Variants in ARX observed in about 807,000 individuals in gnomAD.
ARX encodes aristaless related homeobox, also known as homeobox protein ARX.
A neutral mutation model predicts 23.1 loss-of-function variants in ARX; 1 was observed. That is an observed-to-expected ratio of 0.04 (90% CI 0.02 to 0.21). The LOEUF is 0.21. ARX is among the 10% of genes least tolerant of loss of function. ARX has a pLI of 1.00. For synonymous variants in ARX, 301 were observed against 270.1 expected (o/e 1.11, Z -1.12); for missense variants, 380 against 527.5 (o/e 0.72, Z 2.74).
chrX:25,008,104 G>T (rs761817280), intron 3 of ARX, among the ~76,000 whole-genome samples: 2 of 112,869 alleles, frequency 1.8e-5, no homozygotes, highest in African/African-American at 6.4e-5. Context: ...CACTATGCTG[G>T]GTTCTGGGGT....
Position 25,013,338 on chromosome X carries a change from A to G in ARX, c.657T>C (p.Gly219=), listed in dbSNP as rs755317735. ...CCTCGTCGTCCTCGGTGCCGGTGCC[A>G]CCACCCGCAGCCGGGGCGCTGCCCG... The part of the protein sequence containing the change: ...GGPGSAPAAG[G]GTGTEDDEEE... The change falls in exon 2 of 5, where the codon GGT becomes GGC. Residue 219 remains glycine, a synonymous_variant. Coordinates refer to ENST00000379044, the MANE Select transcript of ARX (RefSeq NM_139058.3). 5 of 1,148,321 alleles carry G rather than the reference A, an allele frequency of 4.4e-6. No homozygotes were observed. Among genetic ancestry groups the G allele is most frequent in the Middle Eastern group, 2.7e-4 (1 of 3,657 alleles). 94.6% of individuals were successfully genotyped at this position (1,148,321 alleles called of 1,213,427 possible). A position where few individuals can be genotyped will look rare whatever the true frequency, so the allele number is the denominator to read the frequency against.
At chrX:25,010,188 C>CCCCCCCCA in intron 3 of ARX, 72 bp downstream of exon 3, 1 of 1,061,251 alleles carries the variant, frequency 9.4e-7, no homozygotes, top group Non-Finnish European at 1.3e-6. Flanking sequence ...CCCCCCGCCA[C>CCCCCCCCA]CAACCCATCT....
Position 25,004,504 on chromosome X carries a change from G to A in ARX, c.*166C>T. On this transcript the variant is annotated 3_prime_UTR_variant, in exon 5 of 5. Coordinates refer to ENST00000379044, the MANE Select transcript of ARX (RefSeq NM_139058.3). Reference sequence around the variant, plus strand: ...AGCCGAGGAGGTGCCACGTCCCGGAGCGCCGAGGGCTGCCATGCCCGCATC... The same window carrying A: ...AGCCGAGGAGGTGCCACGTCCCGGAACGCCGAGGGCTGCCATGCCCGCATC... 1.1e-6 allele frequency: 1 copy of A among 922,143 alleles called. No individual in the cohort carries two copies. 76.0% of individuals were successfully genotyped at this position (922,143 alleles called of 1,213,427 possible). A position where few individuals can be genotyped will look rare whatever the true frequency, so the allele number is the denominator to read the frequency against.
At chrX:25,010,193 C>CCCAAA in intron 3 of ARX, 67 bp downstream of exon 3, 2 of 1,104,476 alleles carry the variant, frequency 1.8e-6, no homozygotes, top group Non-Finnish European at 2.5e-6. Flanking sequence ...CGCCACCAAC[C>CCCAAA]CATCTCTCTC....
chrX:25,014,247 T>C (rs1396107434), intron 1 of ARX, among the ~76,000 whole-genome samples: 2 of 111,494 alleles, frequency 1.8e-5, no homozygotes, highest in African/African-American at 6.5e-5. Flanking sequence ...TTCTTTCTTC[T>C]TTATTCCTTT....
intron 2 of ARX, among the ~76,000 whole-genome samples, chrX:25,010,949 C>T (rs2048699764): frequency 1.8e-5 from 2 of 111,246 alleles, no homozygotes. Flanking sequence ...AAATTCTGCG[C>T]ACCTCCTGAC....
chrX:25,013,134 C>T lies in ARX; in HGVS notation c.861G>A (p.Gly287=). ...AAAAAVATEG[G]ELSPKEELLL... is the part of the protein sequence containing the mutation. ...GCAGCTCCTCCTTGGGTGACAGCTCCCCGCCCTCTGTGGCCACTGCAGCGG... is the reference window on the plus strand; with the variant it reads ...GCAGCTCCTCCTTGGGTGACAGCTCTCCGCCCTCTGTGGCCACTGCAGCGG... Residue 287 remains glycine (G), a synonymous_variant, in exon 2 of 5, where the codon GGG becomes GGA. Transcript: ENST00000379044. 2 of 1,201,810 alleles carry T rather than the reference C, an allele frequency of 1.7e-6. No individual in the cohort carries two copies. The highest frequency in any genetic ancestry group is 2.2e-6 in the Non-Finnish European group (2 of 891,364).
At chrX:25,008,471 C>T (rs1028911745) in intron 3 of ARX, among the ~76,000 whole-genome samples, 6 of 112,072 alleles carry the variant, frequency 5.4e-5, no homozygotes, top group Admixed American at 9.4e-5. Context: ...TAATAGAAAG[C>T]GGTTTTAATG....
Position 25,015,791 on chromosome X carries a change from G to A in ARX, c.-54C>T. 8.9e-7 allele frequency: 1 copy of A among 1,126,305 alleles called. No homozygotes were observed. The highest frequency in any genetic ancestry group is 1.2e-6 in the Non-Finnish European group (1 of 832,843). The allele number at this position is 1,126,305 out of a possible 1,213,427, so 92.8% of individuals were successfully genotyped here. A position where few individuals can be genotyped will look rare whatever the true frequency, so the allele number is the denominator to read the frequency against. On this transcript the variant is annotated 5_prime_UTR_variant, in exon 1 of 5. Transcript: ENST00000379044. ...AGCGGATCGCCGGCTGCCTCTCCCG[G>A]AGGGTGGGATGGATGGGTGTGTGTT...
chrX:25,010,550 G>A, intron 2 of ARX, among the ~76,000 whole-genome samples: 1 of 110,411 alleles, frequency 9.1e-6, no homozygotes, highest in South Asian at 3.9e-4. Flanking sequence ...TACTACATTC[G>A]TGTGTGACAA....
At chrX:25,014,488 G>T (rs2048717819) in intron 1 of ARX, among the ~76,000 whole-genome samples, 1 of 112,864 alleles carries the variant, frequency 8.9e-6, no homozygotes, top group Admixed American at 9.3e-5. Context: ...GGCCCCAAGT[G>T]CAGGCCGCGC....
At chrX:25,014,304 C>G (rs1158552209) in intron 1 of ARX, among the ~76,000 whole-genome samples, 1 of 111,743 alleles carries the variant, frequency 8.9e-6, no homozygotes, top group African/African-American at 3.3e-5. Flanking sequence ...CTTCCCACGT[C>G]GGGGCAGAGG....
Position 25,003,858 on chromosome X carries a change from TAC to T in ARX, c.*810_*811del, listed in dbSNP as rs1282333527. On this transcript the variant is annotated 3_prime_UTR_variant, in exon 5 of 5. Coordinates refer to ENST00000379044, the MANE Select transcript of ARX (RefSeq NM_139058.3). The stretch of plus-strand genomic sequence containing the variant: ...TAATAAGTTAAATAAAGGGCTTGAG[TAC>T]ATAAATATTTGTCTAGGAACCCTAC... 3 of 111,594 alleles carry T rather than the reference TAC, an allele frequency of 2.7e-5. No homozygotes were observed. Among genetic ancestry groups the T allele is most frequent in the Non-Finnish European group, 1.9e-5 (1 of 53,129 alleles). The allele number at this position is 111,594 out of a possible 1,213,427, so 9.2% of individuals were successfully genotyped here.
chrX:25,010,421 C>A, intron 2 of ARX, 116 bp from the exon 3 acceptor site: 1 of 870,436 alleles, frequency 1.1e-6, no homozygotes, highest in East Asian at 3.3e-5. Context: ...GCTGCCTGCC[C>A]CCCACCCCCA....
intron 1 of ARX, among the ~76,000 whole-genome samples, chrX:25,014,977 A>G (rs1249334237): frequency 8.9e-6 from 1 of 112,808 alleles, no homozygotes; most frequent in Non-Finnish European, 1.9e-5. Flanking sequence ...TCCAGAAGTC[A>G]CACATTTCAT....
At position 25,007,398 on chromosome X, in the gene ARX, C is replaced by T. The variant is rs1308446794; in HGVS notation, c.1161G>A (p.Glu387=). The T allele has an allele frequency of 8.6e-7, 1 of 1,162,101 alleles. No homozygotes were observed. Among genetic ancestry groups the T allele is most frequent in the East Asian group, 3.2e-5 (1 of 30,993 alleles). Residue 387 remains glutamate, a synonymous_variant, in exon 4 of 5, where the codon GAG becomes GAA. Transcript: ENST00000379044. ...QNRRAKWRKR[E]KAGAQTHPPG... ...GGGGGTGGGTCTGCGCGCCTGCCTTCTCCCGCTTGCGCCACTTGGCCCGAC... is the reference window on the plus strand; with the variant it reads ...GGGGGTGGGTCTGCGCGCCTGCCTTTTCCCGCTTGCGCCACTTGGCCCGAC...
At position 25,013,186 on chromosome X, in the gene ARX, G is replaced by A; in HGVS notation, c.809C>T (p.Ala270Val). The A allele has an allele frequency of 1.7e-6, 2 of 1,182,966 alleles. No individual in the cohort carries two copies. The highest frequency in any genetic ancestry group is 2.3e-5 in the Admixed American group (1 of 43,180). Residue 270 changes from alanine to valine, a missense_variant, in exon 2 of 5, where the codon GCC (alanine) becomes GTC (valine). Ala to Val is a moderately conservative substitution (Grantham distance 64). Around this residue, in one of 3 missense-constraint regions of ARX, gnomAD observed 235 missense variants for 270.2 expected, o/e 0.87. Transcript: ENST00000379044. ...AGCTGCTGCGGCCACGGCGCCAGTG[G>A]CGGCCACAGGACAGCGCCGGGGCTC... ...LKEPRRCPVA[A>V]TGAVAAAAAA...
Position 25,008,464 on chromosome X carries a change from TAGAA to T in ARX, c.1120-1029_1120-1026del, listed in dbSNP as rs750245445. 8.9e-5 allele frequency among the ~76,000 whole-genome samples: 10 copies of T among 112,388 alleles called. No homozygotes were observed. The East Asian group carries it at 2.5e-3, about 28-fold the overall frequency. ...CCTGAGGTATTTTCCTAATTGCTAA[TAGAA>T]AGCGGTTTTAATGGAGACCTTTACC... On this transcript the variant is annotated intron_variant, in intron 3 of 4. Coordinates refer to ENST00000379044, the MANE Select transcript of ARX (RefSeq NM_139058.3).
At position 25,015,724 on chromosome X, in the gene ARX, T is replaced by A. The variant is rs749413806; in HGVS notation, c.14A>T (p.Tyr5Phe). Residue 5 changes from tyrosine (Y) to phenylalanine (F), a missense_variant, in exon 1 of 5, where the codon TAC becomes TTC. Tyr to Phe is a conservative substitution (Grantham distance 22). Around this residue, in one of 3 missense-constraint regions of ARX, gnomAD observed 235 missense variants for 270.2 expected, o/e 0.87. Coordinates refer to ENST00000379044, the MANE Select transcript of ARX (RefSeq NM_139058.3). ...CCTCTCGGAGCAGCCCTCCTCCTGG[T>A]ACTGATTGCTCATGGCTGGGGCTTT... MSNQ[Y>F]QEEGCSERPE... is the part of the protein sequence containing the mutation. 6.7e-6 allele frequency: 8 copies of A among 1,196,660 alleles called. No individual in the cohort carries two copies. In the East Asian group the frequency reaches 2.1e-4, roughly 31 times the overall value.
Sources: gnomAD v4.1 joint callset for allele counts (sites outside exome capture counted in the v4.1 genomes callset) on GRCh38, gnomAD v4.1.1 for gene constraint, gnomAD v4.1.1 regional missense constraint, MANE v1.5 for transcripts, NCBI Gene and HGNC (gene_info 2026-07-23, HGNC 2026-07-21) for gene names.